DLG1: variants seen among roughly 807,000 people sequenced by gnomAD.
The protein encoded by DLG1 is disks large homolog 1.
DLG1 carries 42 observed loss-of-function variants against 123.4 expected under a neutral mutation model. The observed-to-expected ratio is 0.34, with a 90% CI of 0.27 to 0.44. The LOEUF (loss-of-function observed/expected upper bound fraction) is 0.44. DLG1 is among the 20% of genes least tolerant of loss of function. The pLI is 1.00. For missense variants in DLG1, 942 were observed against 1,082.6 expected, an observed-to-expected ratio of 0.87 and a Z score of 1.82; for synonymous variants, 317 against 356.2, an observed-to-expected ratio of 0.89 and a Z score of 1.24.
At chr3:197,252,384 A>G (rs1385594364) in intron 4 of DLG1, among the ~76,000 whole-genome samples, 1 of 152,194 alleles carries the variant, frequency 6.6e-6, no homozygotes, top group Non-Finnish European at 1.5e-5. Context: ...TAGACATATA[A>G]TAGAATATTA....
At position 197,089,725 on chromosome 3, in the gene DLG1, AAAAG is replaced by A. The variant is rs1360900118; in HGVS notation, c.1661+1183_1661+1186del. 3.3e-5 allele frequency among the ~76,000 whole-genome samples: 5 copies of A among 152,222 alleles called. No homozygotes were observed. In the South Asian group the frequency reaches 8.3e-4, roughly 25 times the overall value. ...ATTAGGAAATGTAGATAAGCAAAAA[AAAAG>A]AAAGTGTAAAAAAGAGAGTAGAAAA... is the stretch of plus-strand genomic sequence containing the variant. On this transcript the variant is annotated intron_variant, in intron 15 of 24. Transcript: ENST00000667157.
chr3:197,209,616 TA>T (rs1730315162), intron 4 of DLG1, among the ~76,000 whole-genome samples: 1 of 146,692 alleles, frequency 6.8e-6, no homozygotes, highest in Non-Finnish European at 1.5e-5. Flanking sequence ...GACCATATGC[TA>T]GGCCACAAAA....
At chr3:197,243,334 T>C (rs1385490220) in intron 4 of DLG1, among the ~76,000 whole-genome samples, 1 of 152,150 alleles carries the variant, frequency 6.6e-6, no homozygotes, top group Non-Finnish European at 1.5e-5. Context: ...ACTACTTATG[T>C]AATAGAACAA....
intron 2 of DLG1, 148 bp downstream of exon 2, chr3:197,297,038 T>G: frequency 1.2e-6 from 1 of 817,082 alleles, no homozygotes; most frequent in Non-Finnish European, 2.0e-6. Flanking sequence ...TCTTCTGAAA[T>G]GATATGAGGC....
At chr3:197,075,317 CAAAAAAAAA>C (rs58384491) in intron 18 of DLG1, among the ~76,000 whole-genome samples, 1,152 of 90,332 alleles carry the variant, frequency 0.013, 17 homozygotes, top group African/African-American at 0.044. Context: ...ATAACTTTCT[CAAAAAAAAA>C]AAAAAAAAAA....
intron 4 of DLG1, among the ~76,000 whole-genome samples, chr3:197,200,047 A>G (rs1395178422): frequency 2.6e-5 from 4 of 152,174 alleles, no homozygotes; most frequent in African/African-American, 9.7e-5. Flanking sequence ...TTTACTCACT[A>G]CTATGACTTA....
At chr3:197,079,359 C>A (rs1331856186) in intron 17 of DLG1, among the ~76,000 whole-genome samples, 2 of 151,998 alleles carry the variant, frequency 1.3e-5, no homozygotes, top group Admixed American at 1.3e-4. Flanking sequence ...TCCATAATCA[C>A]TATGTAAGGA....
intron 5 of DLG1, among the ~76,000 whole-genome samples, chr3:197,181,179 A>G (rs1242396872): frequency 6.6e-6 from 1 of 152,074 alleles, no homozygotes; most frequent in African/African-American, 2.4e-5. Context: ...ATTAAATCAG[A>G]TACTTTTCAT....
At chr3:197,231,573 C>T (rs960634694) in intron 4 of DLG1, among the ~76,000 whole-genome samples, 8 of 151,664 alleles carry the variant, frequency 5.3e-5, no homozygotes, top group Admixed American at 2.0e-4. Context: ...TGGTGGCAGG[C>T]GCCTGTAGTC....
At chr3:197,108,904 ATTTG>A (rs1169857608) in intron 13 of DLG1, among the ~76,000 whole-genome samples, 2 of 152,046 alleles carry the variant, frequency 1.3e-5, no homozygotes, top group South Asian at 2.1e-4. Flanking sequence ...TAATTTGGTT[ATTTG>A]TTCTATGTCT....
At chr3:197,113,004 T>C (rs910503575) in intron 13 of DLG1, among the ~76,000 whole-genome samples, 1 of 152,208 alleles carries the variant, frequency 6.6e-6, no homozygotes, top group African/African-American at 2.4e-5. Flanking sequence ...TATTTTCTTC[T>C]AGGAAGATTA....
At chr3:197,093,026 A>T (rs1758590155) in intron 14 of DLG1, among the ~76,000 whole-genome samples, 1 of 152,142 alleles carries the variant, frequency 6.6e-6, no homozygotes, top group South Asian at 2.1e-4. Flanking sequence ...TTCTGTCCTG[A>T]TCCTTATATG....
chr3:197,046,770 T>C (rs978149416), intron 24 of DLG1, among the ~76,000 whole-genome samples: 1 of 151,900 alleles, frequency 6.6e-6, no homozygotes, highest in Non-Finnish European at 1.5e-5. Flanking sequence ...CTTGGGAGGC[T>C]GAGGTGGGAG....
intron 8 of DLG1, among the ~76,000 whole-genome samples, chr3:197,139,068 A>C (rs1325717213): frequency 6.6e-6 from 1 of 152,158 alleles, no homozygotes; most frequent in Non-Finnish European, 1.5e-5. Context: ...ACTTAATTCA[A>C]AGGTTTCGTA....
chr3:197,156,103 A>T (rs1391705739), intron 5 of DLG1, among the ~76,000 whole-genome samples: 1 of 152,252 alleles, frequency 6.6e-6, no homozygotes, highest in Non-Finnish European at 1.5e-5. Context: ...CGCATTAAAA[A>T]TTACTAGTTT....
At chr3:197,285,084 C>T (rs1308746657) in intron 3 of DLG1, among the ~76,000 whole-genome samples, 1 of 150,252 alleles carries the variant, frequency 6.7e-6, no homozygotes, top group East Asian at 1.9e-4. Flanking sequence ...CAGAAGCCTT[C>T]AAATATATAA....
intron 13 of DLG1, among the ~76,000 whole-genome samples, chr3:197,112,543 G>T (rs1179935088): frequency 6.6e-6 from 1 of 152,056 alleles, no homozygotes; most frequent in Admixed American, 6.6e-5. Context: ...TCATGTATGT[G>T]CTGAGAATAT....
chr3:197,227,372 G>T (rs907171095), intron 4 of DLG1, among the ~76,000 whole-genome samples: 1 of 151,966 alleles, frequency 6.6e-6, no homozygotes, highest in African/African-American at 2.4e-5. Flanking sequence ...CTACTTGGGG[G>T]ACTGGGGCAG....
At chr3:197,107,804 CTT>C (rs542696810) in intron 13 of DLG1, among the ~76,000 whole-genome samples, 20 of 139,376 alleles carry the variant, frequency 1.4e-4, no homozygotes, top group Admixed American at 1.4e-4. Flanking sequence ...TTCTGGTAGC[CTT>C]TTTTTTTTTT....
Sources: allele counts gnomAD v4.1 joint callset (sites outside exome capture counted in the v4.1 genomes callset), GRCh38; gene constraint gnomAD v4.1.1; transcripts MANE v1.5; gene names NCBI Gene and HGNC (gene_info 2026-07-23, HGNC 2026-07-21).